Variants in NRG1 observed in about 807,000 individuals in gnomAD.
NRG1 encodes the protein pro-neuregulin-1, membrane-bound isoform.
NRG1 carries 18 observed loss-of-function variants against 63.8 expected under a neutral mutation model. The ratio of observed to expected loss-of-function variants is 0.28; its 90% CI spans 0.19 to 0.42. The LOEUF (loss-of-function observed/expected upper bound fraction) is 0.42, where lower values mean the gene tolerates loss of function less well. NRG1 is among the 10% of genes least tolerant of loss of function. The pLI is 1.00. For synonymous variants in NRG1, 302 were observed against 301.3 expected (o/e 1.00, Z -0.02); for missense variants, 762 against 814.7 (o/e 0.94, Z 0.79).
chr8:32,756,506 C>A (rs759523685), exon 9 of NRG1: 78 of 1,612,516 alleles, frequency 4.8e-5, no homozygotes, highest in Admixed American at 1.3e-4. Context: ...TAACCCACCC[C>A]CCGAGAATGT....
chr8:31,968,890 A>AT (rs1283729414), intron 1 of NRG1, among the ~76,000 whole-genome samples: 1 of 152,226 alleles, frequency 6.6e-6, no homozygotes, highest in Non-Finnish European at 1.5e-5. Context: ...GGCCTATACT[A>AT]TAACTGTGCC....
intron 1 of NRG1, among the ~76,000 whole-genome samples, chr8:32,068,559 A>G (rs769287403): frequency 6.6e-6 from 1 of 152,176 alleles, no homozygotes; most frequent in South Asian, 2.1e-4. Flanking sequence ...AGAGGAAGTC[A>G]ATAGTGATGC....
intron 1 of NRG1, among the ~76,000 whole-genome samples, chr8:32,511,199 T>C (rs966271153): frequency 2.0e-5 from 3 of 150,786 alleles, no homozygotes; most frequent in African/African-American, 7.3e-5. Flanking sequence ...CAGACATACA[T>C]GTTCAAACAA....
At chr8:31,993,571 T>G (rs574813279) in intron 1 of NRG1, among the ~76,000 whole-genome samples, 136 of 152,140 alleles carry the variant, frequency 8.9e-4, no homozygotes, top group African/African-American at 2.9e-3. Flanking sequence ...CCCACCACTG[T>G]GTAAGACATC....
At chr8:32,308,517 A>G (rs1856473081) in intron 1 of NRG1, among the ~76,000 whole-genome samples, 1 of 152,180 alleles carries the variant, frequency 6.6e-6, no homozygotes, top group East Asian at 1.9e-4. Context: ...AGGACAACCT[A>G]TTATTTCCAC....
At chr8:32,056,240 A>C (rs189223025) in intron 1 of NRG1, among the ~76,000 whole-genome samples, 34 of 152,240 alleles carry the variant, frequency 2.2e-4, no homozygotes, top group African/African-American at 7.0e-4. Flanking sequence ...TGGCTTTAAA[A>C]CAATGGGAAG....
At chr8:32,660,915 C>G (rs1230768106) in intron 5 of NRG1, among the ~76,000 whole-genome samples, 1 of 152,196 alleles carries the variant, frequency 6.6e-6, no homozygotes, top group African/African-American at 2.4e-5. Context: ...CAATAACAGG[C>G]TTCAGGAAAG....
chr8:32,303,666 T>A (rs897405544), intron 1 of NRG1, among the ~76,000 whole-genome samples: 7 of 152,256 alleles, frequency 4.6e-5, no homozygotes, highest in African/African-American at 1.7e-4. Context: ...TGGTTTCGTT[T>A]TCTCATCCAA....
chr8:31,727,132 A>G (rs1348963369), intron 1 of NRG1, among the ~76,000 whole-genome samples: 1 of 152,218 alleles, frequency 6.6e-6, no homozygotes, highest in African/African-American at 2.4e-5. Context: ...TACTAGAGAC[A>G]TAAACATGAA....
At chr8:32,219,340 A>G (rs1306031246) in intron 1 of NRG1, among the ~76,000 whole-genome samples, 1 of 152,220 alleles carries the variant, frequency 6.6e-6, no homozygotes, top group Non-Finnish European at 1.5e-5. Flanking sequence ...GCAGGAAAGA[A>G]AAGAAAGAAA....
intron 5 of NRG1, among the ~76,000 whole-genome samples, chr8:32,629,404 T>G (rs1849873179): frequency 6.6e-6 from 1 of 152,156 alleles, no homozygotes; most frequent in Non-Finnish European, 1.5e-5. Flanking sequence ...TCTATTCCCA[T>G]AACTTATTAC....
intron 1 of NRG1, among the ~76,000 whole-genome samples, chr8:31,644,393 C>T (rs1209678202): frequency 6.6e-6 from 1 of 152,070 alleles, no homozygotes; most frequent in African/African-American, 2.4e-5. Flanking sequence ...AGAAGAACTC[C>T]TTAGAATAAA....
At chr8:31,992,129 G>C (rs918614506) in intron 1 of NRG1, among the ~76,000 whole-genome samples, 1 of 151,740 alleles carries the variant, frequency 6.6e-6, no homozygotes, top group Non-Finnish European at 1.5e-5. Flanking sequence ...GAGGCCAGGA[G>C]TTCAAGACCA....
intron 5 of NRG1, among the ~76,000 whole-genome samples, chr8:32,689,757 C>G (rs1436382884): frequency 1.3e-5 from 2 of 151,834 alleles, no homozygotes; most frequent in Admixed American, 6.6e-5. Flanking sequence ...TTTCATTTAC[C>G]TACTAGCTGA....
chr8:32,647,658 G>A lies in NRG1; in HGVS notation c.502+30773G>A, dbSNP rs941160835. The A allele has an allele frequency of 3.3e-6, 5 of 1,499,476 alleles. No individual in the cohort carries two copies. In the African/African-American group the frequency reaches 7.0e-5, roughly 21 times the overall value. The allele number at this position is 1,499,476 out of a possible 1,614,324, so 92.9% of individuals were successfully genotyped here. ...TAAGATGCTGTATCATTTGGTTGGG[G>A]GGGCCTCTGCGTGGTAATGGACCGT... On this transcript the variant is annotated intron_variant, in intron 5 of 11. Coordinates refer to ENST00000356819, the Ensembl canonical transcript of NRG1.
At chr8:32,608,372 T>C (rs968308926) in intron 3 of NRG1, among the ~76,000 whole-genome samples, 1 of 151,826 alleles carries the variant, frequency 6.6e-6, no homozygotes, top group Non-Finnish European at 1.5e-5. Flanking sequence ...GATGGAGTGT[T>C]GCTATGTTGC....
At chr8:31,752,064 G>A (rs545342839) in intron 1 of NRG1, among the ~76,000 whole-genome samples, 4 of 152,036 alleles carry the variant, frequency 2.6e-5, no homozygotes, top group Non-Finnish European at 4.4e-5. Context: ...TCACAAACTC[G>A]GGAATGAGCA....
At chr8:32,355,316 G>A (rs1469404654) in intron 1 of NRG1, among the ~76,000 whole-genome samples, 6 of 151,856 alleles carry the variant, frequency 4.0e-5, no homozygotes, top group Non-Finnish European at 7.4e-5. Context: ...AAAATTAGCC[G>A]GGCGTGGTGG....
Position 32,412,447 on chromosome 8 carries a change from T to TAC in NRG1, c.38-183380_38-183379insCA, listed in dbSNP as rs1388077715. Among the ~76,000 whole-genome samples the TAC allele has an allele frequency of 2.2e-3, 124 of 56,324 alleles. 1 individual carries two copies. In the East Asian group the frequency reaches 0.027, roughly 12 times the overall value. The allele number at this position is 56,324 out of a possible 152,430, so 37.0% of individuals were successfully genotyped here. ...ACATATATATATATATATATATATA[T>TAC]ATATACATATATATATATATATATA... On this transcript the variant is annotated intron_variant, in intron 1 of 10. Transcript: ENST00000519301.
Sources: allele counts gnomAD v4.1 joint callset (sites outside exome capture counted in the v4.1 genomes callset), GRCh38; gene constraint gnomAD v4.1.1; transcripts MANE v1.5; gene names NCBI Gene and HGNC (gene_info 2026-07-23, HGNC 2026-07-21).